The following IQGAP1 variants were observed in gnomAD, a reference collection of about 807,000 sequenced individuals.
IQGAP1 encodes ras GTPase-activating-like protein IQGAP1.
Under a neutral mutation model 215.6 loss-of-function variants are expected in IQGAP1, and 66 were observed. The observed-to-expected ratio is 0.31, with a 90% CI of 0.25 to 0.38. IQGAP1 has a LOEUF of 0.38. Ranked by LOEUF, IQGAP1 falls within the 10% of genes least tolerant of loss-of-function variation. The pLI, the probability that IQGAP1 is intolerant of heterozygous loss-of-function variation, is 1.00. For missense variants in IQGAP1, 1,712 were observed against 1,997.1 expected, an observed-to-expected ratio of 0.86 and a Z score of 2.72; for synonymous variants, 772 against 728.7, an observed-to-expected ratio of 1.06 and a Z score of -0.96.
In IQGAP1 at chr15:90,500,075, C is replaced by T. The variant is rs1479487614; in HGVS notation, c.4941C>T (p.Ile1647=). 1.9e-6 allele frequency: 3 copies of T among 1,610,460 alleles called. No individual in the cohort carries two copies. Among genetic ancestry groups the T allele is most frequent in the East Asian group, 2.2e-5 (1 of 44,874 alleles). Residue 1647 remains isoleucine (I), a synonymous_variant, in exon 38 of 38, where the codon ATC becomes ATT. Transcript: ENST00000268182. The part of the protein sequence containing the change: ...DRAKVNVNLL[I]FLLNKKFYGK ...CTAAAGTAAATGTCAACCTCCTGATCTTCCTTCTCAACAAAAAGTTCTACG... is the reference window on the plus strand; with the variant it reads ...CTAAAGTAAATGTCAACCTCCTGATTTTCCTTCTCAACAAAAAGTTCTACG...
At chr15:90,400,090 C>T (rs1284371080) in intron 2 of IQGAP1, among the ~76,000 whole-genome samples, 3 of 152,008 alleles carry the variant, frequency 2.0e-5, no homozygotes, top group South Asian at 4.1e-4. Flanking sequence ...CCCCAGTTAA[C>T]ATGTTAGGGT....
chr15:90,458,437 A>G lies in IQGAP1; in HGVS notation c.1776+2122A>G, dbSNP rs140571646. Among the ~76,000 whole-genome samples the G allele has an allele frequency of 2.8e-3, 424 of 152,274 alleles. 3 individuals are homozygous for G. The highest frequency in any genetic ancestry group is 2.2e-3 in the Non-Finnish European group (149 of 68,026). On this transcript the variant is annotated intron_variant, in intron 15 of 37. Coordinates refer to ENST00000268182, the MANE Select transcript of IQGAP1 (RefSeq NM_003870.4). ...CTTCCCTTTTTAGATATGGAAGCCG[A>G]CCTAGCTTATTCTCCGAAACCCCAC...
chr15:90,398,846 T>C (rs1469725708), intron 2 of IQGAP1, among the ~76,000 whole-genome samples: 2 of 151,854 alleles, frequency 1.3e-5, no homozygotes, highest in Non-Finnish European at 2.9e-5. Context: ...GTACTAAAAA[T>C]ACAAAAAACA....
chr15:90,417,797 C>T (rs1481911021), intron 2 of IQGAP1, among the ~76,000 whole-genome samples: 3 of 152,248 alleles, frequency 2.0e-5, no homozygotes, highest in Admixed American at 1.3e-4. Context: ...TATAAATTAC[C>T]TTGCTCAGTA....
In IQGAP1 at chr15:90,501,597, T is replaced by G. The variant is rs905365697; in HGVS notation, c.*1489T>G. On this transcript the variant is annotated 3_prime_UTR_variant, in exon 38 of 38. Transcript: ENST00000268182. The stretch of plus-strand genomic sequence containing the variant: ...TATTATAAATGCATTGGAGAAGTAT[T>G]TTTATGAGACTCTTTACTCAGGTGC... 1 of 152,204 alleles carries G rather than the reference T, an allele frequency of 6.6e-6. No homozygotes were observed. The highest frequency in any genetic ancestry group is 2.4e-5 in the African/African-American group (1 of 41,436). The allele number at this position is 152,204 out of a possible 1,614,324, so 9.4% of individuals were successfully genotyped here.
chr15:90,456,508 A>G (rs904165600), intron 15 of IQGAP1, among the ~76,000 whole-genome samples, 193 bp downstream of exon 15: 13 of 152,136 alleles, frequency 8.5e-5, no homozygotes, highest in Admixed American at 6.6e-5. Flanking sequence ...TGTTTTACAC[A>G]TTTGGGTTTT....
intron 1 of IQGAP1, among the ~76,000 whole-genome samples, chr15:90,388,598 A>G (rs749430450): frequency 9.2e-5 from 14 of 151,988 alleles, no homozygotes; most frequent in Non-Finnish European, 1.9e-4. Flanking sequence ...GGCGGCGGAG[A>G]GGACCCCCGA....
intron 6 of IQGAP1, among the ~76,000 whole-genome samples, chr15:90,439,998 A>T (rs1400333086): frequency 6.6e-6 from 1 of 152,224 alleles, no homozygotes; most frequent in Non-Finnish European, 1.5e-5. Context: ...AAAAATTGGT[A>T]AGAAAGTTTT....
At chr15:90,427,690 A>T (rs1965243894) in intron 3 of IQGAP1, among the ~76,000 whole-genome samples, 1 of 152,076 alleles carries the variant, frequency 6.6e-6, no homozygotes, top group African/African-American at 2.4e-5. Flanking sequence ...CAGTGAGCTG[A>T]GATAGCACCA....
intron 15 of IQGAP1, among the ~76,000 whole-genome samples, chr15:90,462,972 A>G (rs925861856): frequency 5.3e-5 from 8 of 152,154 alleles, no homozygotes; most frequent in Non-Finnish European, 1.0e-4. Context: ...TCTCTTTAAA[A>G]CAAATTTTAC....
chr15:90,410,134 G>T (rs1319306267), intron 2 of IQGAP1, among the ~76,000 whole-genome samples: 2 of 152,142 alleles, frequency 1.3e-5, no homozygotes, highest in Admixed American at 6.5e-5. Context: ...CTTTTGCTGT[G>T]CAGAAGCTCT....
At chr15:90,450,216 CAT>C (rs1480205124) in intron 11 of IQGAP1, among the ~76,000 whole-genome samples, 6 of 151,930 alleles carry the variant, frequency 3.9e-5, no homozygotes, top group Admixed American at 6.6e-5. Context: ...TTTTAGCTCC[CAT>C]ATATGAGTGA....
At chr15:90,478,314 C>T (rs1431633233) in intron 26 of IQGAP1, among the ~76,000 whole-genome samples, 1 of 152,140 alleles carries the variant, frequency 6.6e-6, no homozygotes, top group East Asian at 1.9e-4. Context: ...CTTTAGAAAA[C>T]TGTGCTTTCT....
At chr15:90,487,226 C>T (rs1203866113) in intron 32 of IQGAP1, 137 bp downstream of exon 32, 3 of 815,150 alleles carry the variant, frequency 3.7e-6, no homozygotes, top group Non-Finnish European at 6.0e-6. Context: ...CACCAATCAC[C>T]TCGCATATTG....
intron 18 of IQGAP1, among the ~76,000 whole-genome samples, chr15:90,468,094 G>T (rs150511425): frequency 1.1e-4 from 16 of 151,406 alleles, no homozygotes; most frequent in African/African-American, 3.1e-4. Context: ...TTGAAACAGA[G>T]TCTCACTGTG....
rs1189169881 is a variant in IQGAP1 at position 90,501,454 on chromosome 15, T to C, written c.*1346T>C. 1 of 152,198 alleles carries C rather than the reference T, an allele frequency of 6.6e-6. No individual in the cohort carries two copies. Among genetic ancestry groups the C allele is most frequent in the Non-Finnish European group, 1.5e-5 (1 of 68,042 alleles). The allele number at this position is 152,198 out of a possible 1,614,324, so 9.4% of individuals were successfully genotyped here. A position where few individuals can be genotyped will look rare whatever the true frequency, so the allele number is the denominator to read the frequency against. On this transcript the variant is annotated 3_prime_UTR_variant, in exon 38 of 38. Coordinates refer to ENST00000268182, the MANE Select transcript of IQGAP1 (RefSeq NM_003870.4). ...TCATGCTGCTGAGCCTCTATTTTCT[T>C]TCTTTGATGTTTTGATTCAGTATTC...
In IQGAP1 at chr15:90,401,710, C is replaced by G. The variant is rs985869331; in HGVS notation, c.155+10837C>G. On this transcript the variant is annotated intron_variant, in intron 2 of 37. Transcript: ENST00000268182. The stretch of plus-strand genomic sequence containing the variant: ...AAAGCAAAGCTCAGAGAGGTTAACT[C>G]ATTCATCTAATAAGTGGTTGATCCA... Among the ~76,000 whole-genome samples, 6 of 152,332 alleles carry G rather than the reference C, an allele frequency of 3.9e-5. No homozygotes were observed. The East Asian group carries it at 1.2e-3, about 29-fold the overall frequency.
rs1341719542 is a variant in IQGAP1 at position 90,444,273 on chromosome 15, GTGTGTGTATATA to G, written c.913+797_913+808del. Among the ~76,000 whole-genome samples the G allele has an allele frequency of 1.5e-3, 176 of 115,262 alleles. 4 individuals carry two copies. The South Asian group carries it at 0.041, about 27-fold the overall frequency. The allele number at this position is 115,262 out of a possible 152,430, so 75.6% of individuals were successfully genotyped here. A position where few individuals can be genotyped will look rare whatever the true frequency, so the allele number is the denominator to read the frequency against. ...TGTGTGTGTGTGTGTGTGTGTGTGT[GTGTGTGTATATA>G]TATATTTTTTTTTTTCTTTAAGAGA... On this transcript the variant is annotated intron_variant, in intron 9 of 37. Coordinates refer to ENST00000268182, the MANE Select transcript of IQGAP1 (RefSeq NM_003870.4).
At chr15:90,431,577 T>C (rs575761369) in intron 4 of IQGAP1, among the ~76,000 whole-genome samples, 5 of 152,332 alleles carry the variant, frequency 3.3e-5, no homozygotes, top group African/African-American at 1.2e-4. Flanking sequence ...TTTGGTTTAC[T>C]AACAGTAGTA....
Sources: allele counts gnomAD v4.1 joint callset (sites outside exome capture counted in the v4.1 genomes callset), GRCh38; gene constraint gnomAD v4.1.1; transcripts MANE v1.5; gene names NCBI Gene and HGNC (gene_info 2026-07-23, HGNC 2026-07-21).